PCDHA3: variants seen among roughly 807,000 people sequenced by gnomAD.
The protein encoded by PCDHA3 is protocadherin alpha-3.
PCDHA3 carries 41 observed loss-of-function variants against 62.2 expected under a neutral mutation model. That is an observed-to-expected ratio of 0.66 (90% CI 0.51 to 0.86). The LOEUF (loss-of-function observed/expected upper bound fraction) is 0.86. Among genes scored for constraint, PCDHA3 ranks in the 40% least tolerant of loss-of-function variants. The probability of loss-of-function intolerance (pLI) is 0.00; values close to 1 mark genes in which losing one functional copy is unlikely to be tolerated. For synonymous variants in PCDHA3, 640 were observed against 555.4 expected, an observed-to-expected ratio of 1.15 and a Z score of -2.14; for missense variants, 1,304 against 1,241.2, an observed-to-expected ratio of 1.05 and a Z score of -0.76.
rs922814873 is a variant in PCDHA3, at chr5:140,802,598, C to A, written c.1401C>A (p.Asn467Lys). 3.7e-6 allele frequency: 6 copies of A among 1,613,984 alleles called. No homozygotes were observed. Among genetic ancestry groups the A allele is most frequent in the Middle Eastern group, 3.3e-4 (2 of 6,016 alleles). ...AGTACACGGTGTTCGTGAAGGAGAA[C>A]AACCCGCCGGGCTGCCACATCTTCA... is the stretch of plus-strand genomic sequence containing the variant. ...QSEYTVFVKE[N>K]NPPGCHIFTV... Residue 467 changes from asparagine to lysine, a missense_variant, in exon 1 of 4, where the codon AAC becomes AAA. Coordinates refer to ENST00000522353, the MANE Select transcript of PCDHA3 (RefSeq NM_018906.3).
intron 1 of PCDHA3, among the ~76,000 whole-genome samples, chr5:140,974,825 A>G (rs2096642596): frequency 6.6e-6 from 1 of 152,198 alleles, no homozygotes; most frequent in Admixed American, 6.5e-5. Flanking sequence ...ATGCAACATA[A>G]TGATTATTTT....
chr5:140,883,433 T>G lies in PCDHA3; in HGVS notation c.2394+79842T>G, dbSNP rs201972709. 38 of 1,614,170 alleles carry G rather than the reference T, an allele frequency of 2.4e-5. No individual in the cohort carries two copies. In the East Asian group the frequency reaches 7.8e-4, roughly 33 times the overall value. ...CTCAAATGGACAGGTCACCTGCACC[T>G]TGACGCCGCATGTCCCCTTCAAGCT... On this transcript the variant is annotated intron_variant, in intron 1 of 3. Transcript: ENST00000522353.
At chr5:140,868,071 TTTTA>T (rs2050265335) in intron 1 of PCDHA3, 1 of 152,116 alleles carries the variant, frequency 6.6e-6, no homozygotes. Flanking sequence ...TTCAGGGTGA[TTTTA>T]TTTATTTTAT....
chr5:140,996,557 T>C (rs1200836194), intron 3 of PCDHA3, among the ~76,000 whole-genome samples: 3 of 152,226 alleles, frequency 2.0e-5, no homozygotes, highest in Admixed American at 6.5e-5. Context: ...GTCACTATCT[T>C]GAAGTTCTTG....
intron 1 of PCDHA3, among the ~76,000 whole-genome samples, chr5:140,914,132 T>G (rs1554196213): frequency 6.6e-6 from 1 of 152,152 alleles, no homozygotes; most frequent in Non-Finnish European, 1.5e-5. Context: ...CTTTGTTGAG[T>G]TTTTGTCTGT....
At chr5:140,816,507 T>TTG (rs2126672374) in intron 1 of PCDHA3, 46,838 of 149,332 alleles carry the variant, frequency 0.31, 7,468 homozygotes, top group East Asian at 0.5. Flanking sequence ...GGAGGTGTGT[T>TTG]TGTGTGTGTG....
At chr5:140,841,418 T>C in intron 1 of PCDHA3, 9 of 1,613,046 alleles carry the variant, frequency 5.6e-6, no homozygotes, top group Non-Finnish European at 7.6e-6. Context: ...CCAGCTCCAC[T>C]ACTCCGTCCC....
Position 140,850,539 on chromosome 5 carries a change from G to A in PCDHA3, c.2394+46948G>A, listed in dbSNP as rs1310321897. 6.3e-7 allele frequency: 1 copy of A among 1,598,284 alleles called. No individual in the cohort carries two copies. Among genetic ancestry groups the A allele is most frequent in the Non-Finnish European group, 8.6e-7 (1 of 1,167,870 alleles). On this transcript the variant is annotated intron_variant, in intron 1 of 3. Coordinates refer to ENST00000522353, the MANE Select transcript of PCDHA3 (RefSeq NM_018906.3). ...CCAGGCGCCAAAGTCATCGTCGCGG[G>A]CGTCAGTGGGTGCCACGGGCCCCGA...
chr5:141,009,702 C>T lies in PCDHA3; in HGVS notation c.2618C>T (p.Pro873Leu). 1 of 1,614,056 alleles carries T rather than the reference C, an allele frequency of 6.2e-7. No individual in the cohort carries two copies. The highest frequency in any genetic ancestry group is 8.5e-7 in the Non-Finnish European group (1 of 1,180,028). The change falls in exon 4 of 4, where the codon CCA becomes CTA. Residue 873 changes from proline to leucine, a missense_variant. Transcript: ENST00000522353. ...AACAGCTGGACCTTTAAATACGGAC[C>T]AGGCAACCCCAAACAATCCGGTCCC... is the stretch of plus-strand genomic sequence containing the variant. The part of the protein sequence containing the change: ...NSNSWTFKYG[P>L]GNPKQSGPGE...
At chr5:140,822,370 TTAGA>T in intron 1 of PCDHA3, 2 of 1,614,126 alleles carry the variant, frequency 1.2e-6, no homozygotes, top group Non-Finnish European at 1.7e-6. Context: ...GAGGAAATCC[TTAGA>T]TAGAGAAGAA....
At position 140,823,260 on chromosome 5, in the gene PCDHA3, G is replaced by A. The variant is rs2150124011; in HGVS notation, c.2394+19669G>A. On this transcript the variant is annotated intron_variant, in intron 1 of 3. Transcript: ENST00000522353. ...CCCTGGTGTCCTACTCGCTGGTGGA[G>A]CGGCGGGTGGGCGAGCGCCCGCTGT... is the stretch of plus-strand genomic sequence containing the variant. 59 of 1,613,054 alleles carry A rather than the reference G, an allele frequency of 3.7e-5. No individual in the cohort carries two copies. In the Admixed American group the frequency reaches 7.5e-4, roughly 20 times the overall value.
rs141054640 is a variant in PCDHA3 at position 140,849,634 on chromosome 5, A to G, written c.2394+46043A>G. The G allele has an allele frequency of 6.8e-4, 1,094 of 1,598,766 alleles. 107 individuals are homozygous for G. Among genetic ancestry groups the G allele is most frequent in the South Asian group, 1.2e-3 (106 of 90,564 alleles). On this transcript the variant is annotated intron_variant, in intron 1 of 3. Coordinates refer to ENST00000522353, the MANE Select transcript of PCDHA3 (RefSeq NM_018906.3). Reference sequence around the variant, plus strand: ...ATTAGTGTGATCGACCTAGACGCAGATGCCAACGGGCAGGTTACCTGCTCC... The same window carrying G: ...ATTAGTGTGATCGACCTAGACGCAGGTGCCAACGGGCAGGTTACCTGCTCC...
chr5:140,958,419 A>C (rs1275772647), intron 1 of PCDHA3, among the ~76,000 whole-genome samples: 1 of 152,196 alleles, frequency 6.6e-6, no homozygotes, highest in Non-Finnish European at 1.5e-5. Flanking sequence ...GCTTGGAAAG[A>C]AGCACTTTTT....
intron 3 of PCDHA3, among the ~76,000 whole-genome samples, chr5:141,002,672 C>A (rs1301536253): frequency 6.6e-6 from 1 of 152,292 alleles, no homozygotes; most frequent in African/African-American, 2.4e-5. Context: ...AGGACCAAAA[C>A]CTATACGACG....
At position 140,849,901 on chromosome 5, in the gene PCDHA3, C is replaced by T. The variant is rs1554143464; in HGVS notation, c.2394+46310C>T. On this transcript the variant is annotated intron_variant, in intron 1 of 3. Coordinates refer to ENST00000522353, the MANE Select transcript of PCDHA3 (RefSeq NM_018906.3). ...ACGGTGTTCGTGAAGGAGAACAACC[C>T]GCCGGGCTGCCACATCTTCACGGTG... 8.1e-6 allele frequency: 13 copies of T among 1,598,462 alleles called. 2 individuals are homozygous for T. The highest frequency in any genetic ancestry group is 1.1e-5 in the South Asian group (1 of 90,542).
At chr5:140,997,668 TTGTGTGTGTGTG>T (rs35184029) in intron 3 of PCDHA3, among the ~76,000 whole-genome samples, 3 of 148,244 alleles carry the variant, frequency 2.0e-5, no homozygotes, top group South Asian at 2.2e-4. Context: ...ATTATACAGC[TTGTGTGTGTGTG>T]TGTGTGTGTG....
chr5:140,929,020 A>C (rs1183262810), intron 1 of PCDHA3: 6 of 1,614,070 alleles, frequency 3.7e-6, no homozygotes, highest in Non-Finnish European at 5.1e-6. Flanking sequence ...GTTGCACCAG[A>C]GCCCAGGCTG....
chr5:140,856,185 G>C, intron 1 of PCDHA3: 1 of 1,598,160 alleles, frequency 6.3e-7, no homozygotes. Context: ...TTCGTGGGCC[G>C]CATCGCGCAG....
intron 1 of PCDHA3, among the ~76,000 whole-genome samples, chr5:140,873,769 T>G (rs1554166882): frequency 6.6e-6 from 1 of 151,412 alleles, no homozygotes; most frequent in Non-Finnish European, 1.5e-5. Flanking sequence ...CAAGCAATTC[T>G]CCTGCCTCAG....
Sources: gnomAD v4.1 joint callset for allele counts (sites outside exome capture counted in the v4.1 genomes callset) on GRCh38, gnomAD v4.1.1 for gene constraint, MANE v1.5 for transcripts, NCBI Gene and HGNC (gene_info 2026-07-23, HGNC 2026-07-21) for gene names.